Variants in HPS6 observed in about 807,000 individuals in gnomAD.
The protein encoded by HPS6 is HPS6 biogenesis of lysosomal organelles complex 2 subunit 3.
HPS6 carries 46 observed loss-of-function variants against 53.6 expected under a neutral mutation model. The ratio of observed to expected loss-of-function variants is 0.86; its 90% CI spans 0.68 to 1.10. The LOEUF is 1.10. Among genes scored for constraint, HPS6 ranks in the 50% least tolerant of loss-of-function variants. The pLI, the probability that HPS6 is intolerant of heterozygous loss-of-function variation, is 0.00. For synonymous variants in HPS6, 535 were observed against 470.8 expected (o/e 1.14, Z -1.77); for missense variants, 1,034 against 991.3 (o/e 1.04, Z -0.58).
In HPS6 at chr10:102,067,235, ACAG is replaced by A; in HGVS notation, c.1768_1770del (p.Gln590del). ...GGCTGCCACCCTTTGTGGAGCTGGCACAGCAGCAGGGCGGGCCGGGCTGGGGGG... is the reference window on the plus strand; with the variant it reads ...GGCTGCCACCCTTTGTGGAGCTGGCACAGCAGGGCGGGCCGGGCTGGGGGG... On this transcript the variant is annotated inframe_deletion, in exon 1 of 1. Transcript: ENST00000299238. The A allele has an allele frequency of 6.2e-7, 1 of 1,613,068 alleles. No individual in the cohort carries two copies. Among genetic ancestry groups the A allele is most frequent in the African/African-American group, 1.3e-5 (1 of 75,038 alleles).
rs1413782221 is a variant in HPS6, at chr10:102,067,259, G to A, written c.1785G>A (p.Trp595Ter). 6.2e-7 allele frequency: 1 copy of A among 1,612,704 alleles called. No individual in the cohort carries two copies. Among genetic ancestry groups the A allele is most frequent in the Non-Finnish European group, 8.5e-7 (1 of 1,179,834 alleles). Reference protein sequence around the residue: ...ELAQQQGGPGWGAGGPGLPLY... With the variant: ...ELAQQQGGPG ...CACAGCAGCAGGGCGGGCCGGGCTG[G>A]GGGGCAGGGGGCCCAGGACTGCCCC... Residue 595 changes from tryptophan to a stop codon, truncating the protein, a stop_gained, in exon 1 of 1, where the codon TGG (tryptophan) becomes TGA (stop). Coordinates refer to ENST00000299238, the MANE Select transcript of HPS6 (RefSeq NM_024747.6). LOFTEE classifies it high-confidence loss of function.
Position 102,065,509 on chromosome 10 carries a change from A to T in HPS6, c.35A>T (p.Asp12Val). The T allele has an allele frequency of 6.4e-7, 1 of 1,556,878 alleles. No homozygotes were observed. Among genetic ancestry groups the T allele is most frequent in the Non-Finnish European group, 8.6e-7 (1 of 1,163,134 alleles). The stretch of plus-strand genomic sequence containing the variant: ...TCGGGGACTCTGCGGCTGCTCTCGG[A>T]CCTGAGCGCCTTCGGCGGCGCGGCG... ...KRSGTLRLLS[D>V]LSAFGGAARL... is the part of the protein sequence containing the mutation. The change falls in exon 1 of 1, where the codon GAC becomes GTC. Residue 12 changes from aspartate to valine, a missense_variant. Physicochemically the swap from Asp to Val is radical, Grantham distance 152. Coordinates refer to ENST00000299238, the MANE Select transcript of HPS6 (RefSeq NM_024747.6).
At position 102,066,107 on chromosome 10, in the gene HPS6, C is replaced by T. The variant is rs765294577; in HGVS notation, c.633C>T (p.Gly211=). 3.7e-6 allele frequency: 6 copies of T among 1,613,390 alleles called. No individual in the cohort carries two copies. In the East Asian group the frequency reaches 8.9e-5, roughly 24 times the overall value. ...FLVPTATTWP[G]VAHVLLIWSP... Reference sequence around the variant, plus strand: ...TGCCCACTGCCACCACCTGGCCTGGCGTGGCCCACGTTCTACTCATCTGGA... The same window carrying T: ...TGCCCACTGCCACCACCTGGCCTGGTGTGGCCCACGTTCTACTCATCTGGA... The change falls in exon 1 of 1, where the codon GGC becomes GGT. Residue 211 remains glycine, a synonymous_variant. Transcript: ENST00000299238.
chr10:102,065,740 G>C lies in HPS6; in HGVS notation c.266G>C (p.Arg89Pro). Reference sequence around the variant, plus strand: ...GCCTTCTTCCTGCCGTGGCCAGCGCGGCCGGCGCTGGTGCTGGTGTGGGAG... The same window carrying C: ...GCCTTCTTCCTGCCGTGGCCAGCGCCGCCGGCGCTGGTGCTGGTGTGGGAG... ...LDAFFLPWPA[R>P]PALVLVWESG... The change falls in exon 1 of 1, where the codon CGG becomes CCG. Residue 89 changes from arginine (R) to proline (P), a missense_variant. Arg to Pro is a moderately radical substitution (Grantham distance 103, BLOSUM62 -2). Coordinates refer to ENST00000299238, the MANE Select transcript of HPS6 (RefSeq NM_024747.6). 1 of 1,501,172 alleles carries C rather than the reference G, an allele frequency of 6.7e-7. No individual in the cohort carries two copies. The highest frequency in any genetic ancestry group is 2.7e-5 in the East Asian group (1 of 36,744). The allele number at this position is 1,501,172 out of a possible 1,614,324, so 93.0% of individuals were successfully genotyped here.
At position 102,066,520 on chromosome 10, in the gene HPS6, G is replaced by A; in HGVS notation, c.1046G>A (p.Ser349Asn). The A allele has an allele frequency of 1.2e-6, 2 of 1,614,214 alleles. No homozygotes were observed. The highest frequency in any genetic ancestry group is 1.7e-6 in the Non-Finnish European group (2 of 1,180,036). Reference protein sequence around the residue: ...SGQLLERKVLSTDRVHLLEPP... With the variant: ...SGQLLERKVLNTDRVHLLEPP... Reference sequence around the variant, plus strand: ...CAGCTGCTGGAGAGGAAGGTCCTAAGTACAGACAGGGTACATCTGCTAGAA... The same window carrying A: ...CAGCTGCTGGAGAGGAAGGTCCTAAATACAGACAGGGTACATCTGCTAGAA... Residue 349 changes from serine to asparagine, a missense_variant, in exon 1 of 1, where the codon AGT (serine) becomes AAT (asparagine). Physicochemically the swap from Ser to Asn is conservative, Grantham distance 46. Transcript: ENST00000299238.
rs1437810817 is a variant in HPS6, at chr10:102,067,690, T to C, written c.2216T>C (p.Leu739Pro). 22 of 1,613,762 alleles carry C rather than the reference T, an allele frequency of 1.4e-5. No homozygotes were observed. The highest frequency in any genetic ancestry group is 1.9e-5 in the Non-Finnish European group (22 of 1,180,022). ...CTCACTGTGGGCTTGCTCAAAGCCC[T>C]GCTGGAGCAGACTGGGGCTCAAGGA... ...PPLTVGLLKA[L>P]LEQTGAQGWL... The change falls in exon 1 of 1, where the codon CTG becomes CCG. Residue 739 changes from leucine (L) to proline (P), a missense_variant. Coordinates refer to ENST00000299238, the MANE Select transcript of HPS6 (RefSeq NM_024747.6).
rs1411572380 is a variant in HPS6 at position 102,067,707 on chromosome 10, G to A, written c.2233G>A (p.Ala745Thr). 6.2e-7 allele frequency: 1 copy of A among 1,613,506 alleles called. No homozygotes were observed. The highest frequency in any genetic ancestry group is 1.3e-5 in the African/African-American group (1 of 74,938). Residue 745 changes from alanine to threonine, a missense_variant, in exon 1 of 1, where the codon GCT (alanine) becomes ACT (threonine). Transcript: ENST00000299238. ...LLKALLEQTG[A>T]QGWLSGPVLS... ...CAAAGCCCTGCTGGAGCAGACTGGG[G>A]CTCAAGGATGGCTGTCGGGCCCAGT...
chr10:102,067,282 C>T lies in HPS6; in HGVS notation c.1808C>T (p.Pro603Leu), dbSNP rs1487798978. The change falls in exon 1 of 1, where the codon CCC (proline) becomes CTC (leucine). Residue 603 changes from proline (P) to leucine (L), a missense_variant. Pro to Leu is a moderately conservative substitution (Grantham distance 98). Transcript: ENST00000299238. ...TGGGGGGCAGGGGGCCCAGGACTGC[C>T]CCTGTATCGCCGAGCTCTGGCAGTG... ...PGWGAGGPGL[P>L]LYRRALAVLG... 3.1e-6 allele frequency: 5 copies of T among 1,613,000 alleles called. No homozygotes were observed. The highest frequency in any genetic ancestry group is 1.7e-5 in the Admixed American group (1 of 60,010).
rs779307873 is a variant in HPS6, at chr10:102,066,350, G to A, written c.876G>A (p.Leu292=). ...LLDFGGTVSL[L]QSHGGTRAVG... is the part of the protein sequence containing the mutation. ...ACTTCGGGGGCACTGTGAGCCTATT[G>A]CAGTCCCACGGTGGTACGCGGGCTG... The change falls in exon 1 of 1, where the codon TTG becomes TTA. Residue 292 remains leucine, a synonymous_variant. Coordinates refer to ENST00000299238, the MANE Select transcript of HPS6 (RefSeq NM_024747.6). 2 of 1,613,994 alleles carry A rather than the reference G, an allele frequency of 1.2e-6. No homozygotes were observed. The highest frequency in any genetic ancestry group is 1.7e-5 in the Admixed American group (1 of 60,022).
Position 102,066,200 on chromosome 10 carries a change from T to C in HPS6, c.726T>C (p.Asn242=). 6.2e-7 allele frequency: 1 copy of C among 1,613,846 alleles called. No individual in the cohort carries two copies. Among genetic ancestry groups the C allele is most frequent in the South Asian group, 1.1e-5 (1 of 91,084 alleles). The change falls in exon 1 of 1, where the codon AAT becomes AAC. Residue 242 remains asparagine, a synonymous_variant. Transcript: ENST00000299238. ...RLGLSYSKSL[N]PGRGDTWDFR... ...GTCTCTCCTACAGTAAGAGTCTGAA[T>C]CCTGGACGAGGGGACACATGGGACT... is the stretch of plus-strand genomic sequence containing the variant.
At position 102,066,300 on chromosome 10, in the gene HPS6, A is replaced by G. The variant is rs954310435; in HGVS notation, c.826A>G (p.Thr276Ala). The G allele has an allele frequency of 3.1e-6, 5 of 1,613,614 alleles. No individual in the cohort carries two copies. The African/African-American group carries it at 5.3e-5, about 17-fold the overall frequency. The change falls in exon 1 of 1, where the codon ACT becomes GCT. Residue 276 changes from threonine (T) to alanine (A), a missense_variant. Physicochemically the swap from Thr to Ala is moderately conservative, Grantham distance 58. Transcript: ENST00000299238. Reference sequence around the variant, plus strand: ...ACTGGCTGTACACACCTGGGCCCCAACTCCCCAGGGCCTGCTGTTGCTTGA... The same window carrying G: ...ACTGGCTGTACACACCTGGGCCCCAGCTCCCCAGGGCCTGCTGTTGCTTGA... ...EPLAVHTWAP[T>A]PQGLLLLDFG...
Position 102,067,641 on chromosome 10 carries a change from C to T in HPS6, c.2167C>T (p.Pro723Ser), listed in dbSNP as rs201293329. 1.9e-6 allele frequency: 3 copies of T among 1,614,012 alleles called. No homozygotes were observed. Among genetic ancestry groups the T allele is most frequent in the Non-Finnish European group, 2.5e-6 (3 of 1,180,036 alleles). The change falls in exon 1 of 1, where the codon CCT becomes TCT. Residue 723 changes from proline to serine, a missense_variant. Pro to Ser is a moderately conservative substitution (Grantham distance 74). Coordinates refer to ENST00000299238, the MANE Select transcript of HPS6 (RefSeq NM_024747.6). ...PDEVGPPTPF[P>S]EPGAEPPLTV... Reference sequence around the variant, plus strand: ...TGAGGTGGGGCCCCCAACCCCATTCCCTGAGCCTGGAGCAGAGCCCCCTCT... The same window carrying T: ...TGAGGTGGGGCCCCCAACCCCATTCTCTGAGCCTGGAGCAGAGCCCCCTCT...
rs2067972783 is a variant in HPS6, at chr10:102,066,671, C to T, written c.1197C>T (p.Ala399=). The part of the protein sequence containing the change: ...EAPQGVELPS[A]KDLVFEEACG... The stretch of plus-strand genomic sequence containing the variant: ...CACAGGGTGTTGAGTTGCCTTCAGC[C>T]AAGGATCTGGTGTTTGAGGAGGCCT... The change falls in exon 1 of 1, where the codon GCC becomes GCT. Residue 399 remains alanine, a synonymous_variant. Transcript: ENST00000299238. The T allele has an allele frequency of 1.2e-6, 2 of 1,613,950 alleles. No homozygotes were observed. Among genetic ancestry groups the T allele is most frequent in the South Asian group, 2.2e-5 (2 of 91,088 alleles).
At position 102,067,118 on chromosome 10, in the gene HPS6, A is replaced by C; in HGVS notation, c.1644A>C (p.Leu548Phe). ...QAPPDVWKKV[L>F]GGITAGKEPP... ...CCCCTGATGTGTGGAAGAAAGTGTT[A>C]GGGGGAATAACCGCTGGAAAGGAAC... The change falls in exon 1 of 1, where the codon TTA becomes TTC. Residue 548 changes from leucine (L) to phenylalanine (F), a missense_variant. Leu to Phe is a conservative substitution (Grantham distance 22). Coordinates refer to ENST00000299238, the MANE Select transcript of HPS6 (RefSeq NM_024747.6). 6.2e-7 allele frequency: 1 copy of C among 1,614,084 alleles called. No homozygotes were observed.
chr10:102,067,069 A>T lies in HPS6; in HGVS notation c.1595A>T (p.Asn532Ile). The T allele has an allele frequency of 3.7e-6, 6 of 1,614,198 alleles. No homozygotes were observed. The highest frequency in any genetic ancestry group is 5.1e-6 in the Non-Finnish European group (6 of 1,180,020). ...LRALQLQLDG[N>I]GKLRSQAPPD... ...GCCCTGCAGCTCCAGCTAGATGGGA[A>T]TGGCAAGCTGAGGTCCCAAGCACCC... The change falls in exon 1 of 1, where the codon AAT becomes ATT. Residue 532 changes from asparagine (N) to isoleucine (I), a missense_variant. By Grantham distance (149) the Asn-to-Ile change is moderately radical. Coordinates refer to ENST00000299238, the MANE Select transcript of HPS6 (RefSeq NM_024747.6).
rs764644286 is a variant in HPS6, at chr10:102,065,705, C to G, written c.231C>G (p.Ser77=). The G allele has an allele frequency of 2.0e-6, 3 of 1,509,684 alleles. No homozygotes were observed. Among genetic ancestry groups the G allele is most frequent in the Admixed American group, 2.1e-5 (1 of 48,266 alleles). 93.5% of individuals were successfully genotyped at this position (1,509,684 alleles called of 1,614,324 possible). The change falls in exon 1 of 1, where the codon TCC becomes TCG. Residue 77 remains serine (S), a synonymous_variant. Coordinates refer to ENST00000299238, the MANE Select transcript of HPS6 (RefSeq NM_024747.6). ...LERAWPAGQP[S]PLDAFFLPWP... ...GGGCCTGGCCGGCCGGCCAGCCCTC[C>G]CCGCTGGACGCCTTCTTCCTGCCGT...
Position 102,067,452 on chromosome 10 carries a change from G to A in HPS6, c.1978G>A (p.Gly660Ser), listed in dbSNP as rs774233041. The A allele has an allele frequency of 2.2e-5, 35 of 1,613,348 alleles. No homozygotes were observed. Among genetic ancestry groups the A allele is most frequent in the Middle Eastern group, 1.6e-4 (1 of 6,084 alleles). The change falls in exon 1 of 1, where the codon GGC becomes AGC. Residue 660 changes from glycine (G) to serine (S), a missense_variant. Gly to Ser is a moderately conservative substitution (Grantham distance 56). Coordinates refer to ENST00000299238, the MANE Select transcript of HPS6 (RefSeq NM_024747.6). The stretch of plus-strand genomic sequence containing the variant: ...GGCTCTGGATGCTGGCCTGGCCCTC[G>A]GCCCCTCCAGTCCCCTGCTTCGAAG... ...DRALDAGLALGPSSPLLRSEI... is the reference protein window; with the variant it reads ...DRALDAGLALSPSSPLLRSEI...
Position 102,066,313 on chromosome 10 carries a change from T to C in HPS6, c.839T>C (p.Leu280Pro). The change falls in exon 1 of 1, where the codon CTG becomes CCG. Residue 280 changes from leucine (L) to proline (P), a missense_variant. Leu to Pro is a moderately conservative substitution (Grantham distance 98). Transcript: ENST00000299238. Reference protein sequence around the residue: ...VHTWAPTPQGLLLLDFGGTVS... With the variant: ...VHTWAPTPQGPLLLDFGGTVS... ...ACCTGGGCCCCAACTCCCCAGGGCC[T>C]GCTGTTGCTTGACTTCGGGGGCACT... 1 of 1,613,976 alleles carries C rather than the reference T, an allele frequency of 6.2e-7. No homozygotes were observed. The highest frequency in any genetic ancestry group is 8.5e-7 in the Non-Finnish European group (1 of 1,179,964).
At position 102,065,428 on chromosome 10, in the gene HPS6, C is replaced by T. The variant is rs773073098; in HGVS notation, c.-47C>T. The T allele has an allele frequency of 4.6e-6, 7 of 1,513,644 alleles. 1 individual carries two copies. The highest frequency in any genetic ancestry group is 5.3e-5 in the East Asian group (2 of 37,782). The allele number at this position is 1,513,644 out of a possible 1,614,324, so 93.8% of individuals were successfully genotyped here. On this transcript the variant is annotated 5_prime_UTR_variant, in exon 1 of 1. Coordinates refer to ENST00000299238, the MANE Select transcript of HPS6 (RefSeq NM_024747.6). ...GAGAATCGGGCCTCGCCCTGCTGGGCGGCTGGACCTGGGCAAAGCCTGGGC... is the reference window on the plus strand; with the variant it reads ...GAGAATCGGGCCTCGCCCTGCTGGGTGGCTGGACCTGGGCAAAGCCTGGGC...
Sources: allele counts gnomAD v4.1 joint callset, GRCh38; gene constraint gnomAD v4.1.1; transcripts MANE v1.5; gene names NCBI Gene and HGNC (gene_info 2026-07-23, HGNC 2026-07-21).